The following TOX variants were observed in gnomAD, a reference collection of about 807,000 sequenced individuals.
TOX encodes thymocyte selection-associated high mobility group box protein TOX.
In TOX, 11 loss-of-function variants were observed where a neutral mutation model predicts 53.7. The ratio of observed to expected loss-of-function variants is 0.20; its 90% CI spans 0.13 to 0.34. The LOEUF (loss-of-function observed/expected upper bound fraction) is 0.34, where lower values mean the gene tolerates loss of function less well. Among genes scored for constraint, TOX ranks in the 10% least tolerant of loss-of-function variants. The pLI is 1.00. For synonymous variants in TOX, 225 were observed against 245.3 expected, an observed-to-expected ratio of 0.92 and a Z score of 0.77; for missense variants, 570 against 664.6, an observed-to-expected ratio of 0.86 and a Z score of 1.56.
chr8:59,095,692 G>T (rs763730626), intron 1 of TOX, among the ~76,000 whole-genome samples: 4 of 152,170 alleles, frequency 2.6e-5, no homozygotes, highest in Non-Finnish European at 5.9e-5. Context: ...GAGCCACTGC[G>T]CCCAGACAAT....
chr8:59,092,766 T>C (rs548661995), intron 1 of TOX, among the ~76,000 whole-genome samples: 8 of 152,236 alleles, frequency 5.3e-5, no homozygotes, highest in African/African-American at 1.9e-4. Flanking sequence ...ACAGCCTCTT[T>C]TTGTGCTGTG....
chr8:58,807,862 T>C (rs1268388190), intron 8 of TOX, 79 bp from the exon 9 acceptor site: 3 of 1,564,520 alleles, frequency 1.9e-6, no homozygotes, highest in Non-Finnish European at 2.6e-6. Context: ...TGGATGTCTT[T>C]GAATTATTTG....
chr8:58,975,146 ATAT>A lies in TOX; in HGVS notation c.103-15141_103-15139del, dbSNP rs147643538. Among the ~76,000 whole-genome samples the A allele has an allele frequency of 5.8e-3, 887 of 151,876 alleles. 13 individuals are homozygous for A. The highest frequency in any genetic ancestry group is 0.02 in the African/African-American group (822 of 41,404). On this transcript the variant is annotated intron_variant, in intron 1 of 8. Coordinates refer to ENST00000361421, the MANE Select transcript of TOX (RefSeq NM_014729.3). ...ACCTATATGTAGATTTTACAGATAT[ATAT>A]TATTATATATACTTACAGAGAAATG...
intron 1 of TOX, among the ~76,000 whole-genome samples, chr8:59,007,011 T>C (rs953753845): frequency 1.3e-5 from 2 of 152,236 alleles, no homozygotes; most frequent in Admixed American, 6.5e-5. Flanking sequence ...TGTTGATGGA[T>C]TGAATCCTGT....
At chr8:59,021,481 A>AAAAAAAAATATAT (rs59174995) in intron 1 of TOX, among the ~76,000 whole-genome samples, 2 of 64,738 alleles carry the variant, frequency 3.1e-5, no homozygotes, top group African/African-American at 5.3e-5. Context: ...AAAAAAAAAA[A>AAAAAAAAATATAT]ATATATATAT....
chr8:58,871,706 G>A (rs1811202211), intron 3 of TOX, among the ~76,000 whole-genome samples: 1 of 152,142 alleles, frequency 6.6e-6, no homozygotes, highest in Non-Finnish European at 1.5e-5. Context: ...AATGGATAGT[G>A]GATGTGGGTG....
chr8:59,109,259 G>A (rs1365943467), intron 1 of TOX, among the ~76,000 whole-genome samples: 2 of 151,998 alleles, frequency 1.3e-5, no homozygotes, highest in Admixed American at 6.6e-5. Context: ...ATAACAACCC[G>A]ACACTAATTC....
intron 3 of TOX, among the ~76,000 whole-genome samples, chr8:58,874,290 C>G (rs1170892557): frequency 6.6e-6 from 1 of 151,866 alleles, no homozygotes; most frequent in Non-Finnish European, 1.5e-5. Context: ...TTTAGTAATA[C>G]AGGAGTGCCT....
chr8:59,071,261 A>G (rs539668757), intron 1 of TOX, among the ~76,000 whole-genome samples: 3 of 152,280 alleles, frequency 2.0e-5, no homozygotes, highest in African/African-American at 7.2e-5. Context: ...CAAAACTCCA[A>G]GACACATACT....
intron 5 of TOX, among the ~76,000 whole-genome samples, chr8:58,836,246 G>A (rs1486605754): frequency 6.6e-6 from 1 of 152,184 alleles, no homozygotes; most frequent in African/African-American, 2.4e-5. Context: ...CTCATTCAGT[G>A]AGGCTCTGCT....
chr8:59,018,573 T>C (rs1585967228), intron 1 of TOX, among the ~76,000 whole-genome samples: 1 of 152,040 alleles, frequency 6.6e-6, no homozygotes, highest in Non-Finnish European at 1.5e-5. Context: ...GGGTTCCGAG[T>C]CACACGGAAG....
intron 2 of TOX, among the ~76,000 whole-genome samples, chr8:58,941,219 T>C (rs1044308718): frequency 1.1e-4 from 17 of 152,342 alleles, no homozygotes; most frequent in African/African-American, 3.6e-4. Context: ...CATTGGTTCC[T>C]TGTACAAGTA....
intron 1 of TOX, among the ~76,000 whole-genome samples, chr8:59,061,928 C>T (rs567936052): frequency 5.9e-5 from 9 of 152,216 alleles, no homozygotes; most frequent in South Asian, 2.1e-4. Context: ...TCTTCAGATT[C>T]AGATTTTATC....
At chr8:58,833,662 T>C (rs1286668933) in intron 5 of TOX, among the ~76,000 whole-genome samples, 4 of 152,234 alleles carry the variant, frequency 2.6e-5, no homozygotes, top group Admixed American at 6.5e-5. Flanking sequence ...TATGTTTTAT[T>C]TCCTTCTCCA....
At chr8:59,030,513 G>A (rs533293572) in intron 1 of TOX, among the ~76,000 whole-genome samples, 4 of 152,216 alleles carry the variant, frequency 2.6e-5, no homozygotes, top group South Asian at 2.1e-4. Context: ...AAGCATACGC[G>A]CTCGTTTGCT....
chr8:59,085,393 TA>T (rs5891709), intron 1 of TOX, among the ~76,000 whole-genome samples: 44,659 of 151,148 alleles, frequency 0.3, 10,649 homozygotes, highest in African/African-American at 0.66. Flanking sequence ...TTTCCTTTTT[TA>T]TTTTTTCTTT....
intron 3 of TOX, among the ~76,000 whole-genome samples, chr8:58,907,377 T>C (rs915888975): frequency 6.6e-6 from 1 of 151,954 alleles, no homozygotes; most frequent in Non-Finnish European, 1.5e-5. Flanking sequence ...GCAGACCACC[T>C]GAGGTCAGGA....
At chr8:58,923,454 A>C (rs957305626) in intron 3 of TOX, among the ~76,000 whole-genome samples, 2 of 152,166 alleles carry the variant, frequency 1.3e-5, no homozygotes, top group African/African-American at 4.8e-5. Flanking sequence ...GGGAGGGACA[A>C]TGGTTCCTTT....
chr8:59,000,777 A>C (rs1042748994), intron 1 of TOX, among the ~76,000 whole-genome samples: 5 of 152,222 alleles, frequency 3.3e-5, no homozygotes, highest in Non-Finnish European at 7.3e-5. Context: ...AAAAATATAC[A>C]CGCATACACA....
Sources: allele counts gnomAD v4.1 joint callset (sites outside exome capture counted in the v4.1 genomes callset), GRCh38; gene constraint gnomAD v4.1.1; transcripts MANE v1.5; gene names NCBI Gene and HGNC (gene_info 2026-07-23, HGNC 2026-07-21).